The following RNF145 variants were observed in gnomAD, a reference collection of about 807,000 sequenced individuals.
RNF145 encodes ring finger protein 145.
A neutral mutation model predicts 57.3 loss-of-function variants in RNF145; 12 were observed. The observed-to-expected ratio is 0.21, with a 90% CI of 0.13 to 0.34. The LOEUF is 0.34. Ranked by LOEUF, RNF145 falls within the 10% of genes least tolerant of loss-of-function variation. The pLI is 1.00. For synonymous variants in RNF145, 262 were observed against 288.3 expected (o/e 0.91, Z 0.92); for missense variants, 429 against 799.0 (o/e 0.54, Z 5.58).
At chr5:159,171,775 A>G (rs1029889215) in intron 6 of RNF145, among the ~76,000 whole-genome samples, 3 of 152,170 alleles carry the variant, frequency 2.0e-5, no homozygotes, top group African/African-American at 7.2e-5. Context: ...AGAAACATAA[A>G]CATTACCAGG....
chr5:159,201,498 C>G (rs1298288328), intron 2 of RNF145, among the ~76,000 whole-genome samples: 6 of 152,070 alleles, frequency 3.9e-5, no homozygotes, highest in Non-Finnish European at 8.8e-5. Flanking sequence ...AGATACTATG[C>G]CAACGTAAAA....
intron 1 of RNF145, 31 bp from the exon 2 acceptor site, chr5:159,203,687 T>A: frequency 6.8e-7 from 1 of 1,469,532 alleles, no homozygotes; most frequent in Non-Finnish European, 9.2e-7. Flanking sequence ...TATATAAAAA[T>A]AAAAAGTCAA....
chr5:159,180,727 A>G (rs1784862617), intron 4 of RNF145, among the ~76,000 whole-genome samples: 1 of 152,172 alleles, frequency 6.6e-6, no homozygotes, highest in Non-Finnish European at 1.5e-5. Flanking sequence ...ATCTATATTA[A>G]AAGTTAACAA....
In RNF145 at chr5:159,190,325, T is replaced by C. The variant is rs193103599; in HGVS notation, c.293+4391A>G. The stretch of plus-strand genomic sequence containing the variant: ...CTGGGATTACAAGTGTGAGCCACCA[T>C]ACAAGGCCCTTGAGCTATATACTTT... On this transcript the variant is annotated intron_variant, in intron 3 of 10. Transcript: ENST00000424310. Among the ~76,000 whole-genome samples, 15 of 152,220 alleles carry C rather than the reference T, an allele frequency of 9.9e-5. No homozygotes were observed. In the East Asian group the frequency reaches 2.7e-3, roughly 27 times the overall value.
chr5:159,163,154 T>C (rs938761563), intron 8 of RNF145, 75 bp from the exon 9 acceptor site: 10 of 1,333,306 alleles, frequency 7.5e-6, no homozygotes, highest in Non-Finnish European at 1.0e-5. Flanking sequence ...GCAGCTAACA[T>C]CTCTGGTGCC....
At position 159,184,686 on chromosome 5, in the gene RNF145, CTTT is replaced by C. The variant is rs1785002567; in HGVS notation, c.294-2638_294-2636del. Among the ~76,000 whole-genome samples the C allele has an allele frequency of 2.0e-5, 3 of 152,020 alleles. No homozygotes were observed. In the South Asian group the frequency reaches 6.2e-4, roughly 31 times the overall value. Reference sequence around the variant, plus strand: ...TAATAATATTTCTATCTGCCTTTTACTTTTTTATCTTAAATACTACTTATTTTA... The same window carrying C: ...TAATAATATTTCTATCTGCCTTTTACTTTATCTTAAATACTACTTATTTTA... On this transcript the variant is annotated intron_variant, in intron 3 of 10. Coordinates refer to ENST00000424310, the MANE Select transcript of RNF145 (RefSeq NM_001199383.2).
intron 2 of RNF145, among the ~76,000 whole-genome samples, chr5:159,201,549 C>T (rs1189083742): frequency 6.6e-6 from 1 of 152,030 alleles, no homozygotes; most frequent in Non-Finnish European, 1.5e-5. Flanking sequence ...GATATCTACT[C>T]AAGAGAGTCT....
Position 159,181,991 on chromosome 5 carries a change from G to C in RNF145, c.354C>G (p.Leu118=), listed in dbSNP as rs768789062. 1.2e-6 allele frequency: 2 copies of C among 1,608,354 alleles called. No individual in the cohort carries two copies. Among genetic ancestry groups the C allele is most frequent in the African/African-American group, 1.3e-5 (1 of 74,734 alleles). ...AGGCTGTGGTAAACCGATTCATAGA[G>C]AGAGGTTCTAAATACATTGGTCCCT... The part of the protein sequence containing the change: ...AYEGPMYLEP[L]SMNRFTTALI... The change falls in exon 4 of 11, where the codon CTC becomes CTG. Residue 118 remains leucine (L), a synonymous_variant. Coordinates refer to ENST00000424310, the MANE Select transcript of RNF145 (RefSeq NM_001199383.2).
intron 2 of RNF145, among the ~76,000 whole-genome samples, chr5:159,201,514 T>C (rs923452449): frequency 2.6e-5 from 4 of 152,094 alleles, no homozygotes; most frequent in African/African-American, 9.7e-5. Context: ...TAAAATGCAA[T>C]CGGGAAGAGG....
chr5:159,174,746 TTGCCAAG>T (rs1335569774), intron 5 of RNF145, among the ~76,000 whole-genome samples: 1 of 152,098 alleles, frequency 6.6e-6, no homozygotes, highest in Non-Finnish European at 1.5e-5. Flanking sequence ...TCCATTTGGT[TTGCCAAG>T]TGTAAGTAAC....
intron 3 of RNF145, among the ~76,000 whole-genome samples, chr5:159,188,195 A>G (rs1785151072): frequency 6.6e-6 from 1 of 151,928 alleles, no homozygotes; most frequent in Non-Finnish European, 1.5e-5. Flanking sequence ...ATCCTGGCTA[A>G]CATGGTGAAA....
intron 1 of RNF145, 94 bp downstream of exon 1, chr5:159,209,137 G>T (rs1223003137): frequency 2.0e-5 from 7 of 342,326 alleles, no homozygotes; most frequent in Non-Finnish European, 2.9e-5. Flanking sequence ...AGAAGAGGAA[G>T]GAGCCTGCGA....
At chr5:159,176,403 G>A (rs539126461) in intron 5 of RNF145, among the ~76,000 whole-genome samples, 2 of 152,042 alleles carry the variant, frequency 1.3e-5, no homozygotes, top group East Asian at 1.9e-4. Flanking sequence ...ATCAGGGTTC[G>A]ATCTCAGATA....
Position 159,161,528 on chromosome 5 carries a change from T to G in RNF145, c.1364A>C (p.Asn455Thr), listed in dbSNP as rs367907107. The G allele has an allele frequency of 2.5e-6, 4 of 1,613,944 alleles. No homozygotes were observed. The highest frequency in any genetic ancestry group is 3.4e-6 in the Non-Finnish European group (4 of 1,179,958). Residue 455 changes from asparagine to threonine, a missense_variant, in exon 10 of 11, where the codon AAT becomes ACT. By Grantham distance (65) the Asn-to-Thr change is moderately conservative (BLOSUM62 0). Transcript: ENST00000424310. ...ENMDDVIYYV[N>T]GTYRLLEFLV... ...AAACTCCAGCAGGCGGTAAGTGCCATTCACATAGTAGATGACATCATCCAT... is the reference window on the plus strand; with the variant it reads ...AAACTCCAGCAGGCGGTAAGTGCCAGTCACATAGTAGATGACATCATCCAT...
chr5:159,168,227 C>T (rs1269078158), intron 8 of RNF145, among the ~76,000 whole-genome samples: 1 of 151,992 alleles, frequency 6.6e-6, no homozygotes, highest in Admixed American at 6.6e-5. Context: ...TCACACGAAC[C>T]TCAAAAATAT....
rs1784732064 is a variant in RNF145, at chr5:159,176,743, G to A, written c.510C>T (p.Ile170=). The part of the protein sequence containing the change: ...LCLVPLETIV[I]INKFAMIFTG... ...TAAAAATCATAGCAAATTTATTGAT[G>A]ATAACAATTGTCTCCAAAGGAACAA... Residue 170 remains isoleucine, a synonymous_variant, in exon 5 of 11, where the codon ATC becomes ATT. Coordinates refer to ENST00000424310, the MANE Select transcript of RNF145 (RefSeq NM_001199383.2). 2 of 1,611,864 alleles carry A rather than the reference G, an allele frequency of 1.2e-6. No individual in the cohort carries two copies. The highest frequency in any genetic ancestry group is 2.2e-5 in the South Asian group (2 of 90,984).
chr5:159,199,768 T>C (rs1785598354), intron 2 of RNF145, among the ~76,000 whole-genome samples: 1 of 152,180 alleles, frequency 6.6e-6, no homozygotes, highest in Non-Finnish European at 1.5e-5. Context: ...GTATTCAGGA[T>C]TCTTCACAAA....
chr5:159,183,687 G>A (rs1784968876), intron 3 of RNF145, among the ~76,000 whole-genome samples: 1 of 152,170 alleles, frequency 6.6e-6, no homozygotes, highest in Non-Finnish European at 1.5e-5. Flanking sequence ...AACTCTGAGT[G>A]TCAGTACTAT....
intron 8 of RNF145, among the ~76,000 whole-genome samples, chr5:159,166,024 A>G (rs1212492489): frequency 6.6e-6 from 1 of 152,200 alleles, no homozygotes; most frequent in African/African-American, 2.4e-5. Context: ...TGACTACACC[A>G]CTTTACACTC....
Sources: gnomAD v4.1 joint callset for allele counts (sites outside exome capture counted in the v4.1 genomes callset) on GRCh38, gnomAD v4.1.1 for gene constraint, MANE v1.5 for transcripts, NCBI Gene and HGNC (gene_info 2026-07-23, HGNC 2026-07-21) for gene names.